Variants in DPP10 observed in about 807,000 individuals in gnomAD.
The protein encoded by DPP10 is dipeptidyl peptidase like 10.
DPP10 carries 33 observed loss-of-function variants against 120.9 expected under a neutral mutation model. That is an observed-to-expected ratio of 0.27 (90% CI 0.21 to 0.37). The LOEUF (loss-of-function observed/expected upper bound fraction) is 0.37. DPP10 is among the 10% of genes least tolerant of loss of function. DPP10 has a pLI of 1.00. For synonymous variants in DPP10, 337 were observed against 326.1 expected (o/e 1.03, Z -0.36); for missense variants, 816 against 942.8 (o/e 0.87, Z 1.76).
chr2:115,314,791 A>G (rs138216406), intron 2 of DPP10, among the ~76,000 whole-genome samples: 1 of 152,122 alleles, frequency 6.6e-6, no homozygotes, highest in Non-Finnish European at 1.5e-5. Flanking sequence ...CAATTAGTTC[A>G]TTTGAGTCAA....
rs531292733 is a variant in DPP10, at chr2:115,085,712, T to G, written c.61-223527T>G. Among the ~76,000 whole-genome samples, 5 of 152,316 alleles carry G rather than the reference T, an allele frequency of 3.3e-5. No individual in the cohort carries two copies. In the East Asian group the frequency reaches 5.8e-4, roughly 18 times the overall value. ...TATACATATCTCATTTAACTCAGCCTTTTTAGCCCAGTCCTATTATAGTGC... is the reference window on the plus strand; with the variant it reads ...TATACATATCTCATTTAACTCAGCCGTTTTAGCCCAGTCCTATTATAGTGC... On this transcript the variant is annotated intron_variant, in intron 1 of 25. Coordinates refer to ENST00000410059, the MANE Select transcript of DPP10 (RefSeq NM_020868.6).
At chr2:114,843,953 A>T (rs545199370) in intron 1 of DPP10, among the ~76,000 whole-genome samples, 1 of 152,272 alleles carries the variant, frequency 6.6e-6, no homozygotes, top group East Asian at 1.9e-4. Flanking sequence ...TTCATCAAAA[A>T]CCAGGGTAAA....
At chr2:115,481,999 AACTTT>A (rs1472441048) in intron 3 of DPP10, among the ~76,000 whole-genome samples, 2 of 152,054 alleles carry the variant, frequency 1.3e-5, no homozygotes, top group Non-Finnish European at 2.9e-5. Flanking sequence ...TAAAAAGTTA[AACTTT>A]ACTTGGAGTA....
At chr2:115,664,515 T>C (rs1397782594) in intron 5 of DPP10, among the ~76,000 whole-genome samples, 2 of 151,734 alleles carry the variant, frequency 1.3e-5, no homozygotes, top group Admixed American at 1.3e-4. Context: ...TTCCTAGTAC[T>C]ATATTGAGAA....
chr2:115,003,077 C>G (rs2105016109), intron 1 of DPP10, among the ~76,000 whole-genome samples: 1 of 150,944 alleles, frequency 6.6e-6, no homozygotes, highest in African/African-American at 2.4e-5. Context: ...TTCATTGCAG[C>G]ACTATTCACA....
chr2:115,151,947 CCTA>C (rs2051589466), intron 1 of DPP10, among the ~76,000 whole-genome samples: 2 of 151,652 alleles, frequency 1.3e-5, no homozygotes, highest in Admixed American at 6.6e-5. Context: ...TAGTCTTATT[CCTA>C]CTATGCTGTT....
chr2:114,516,364 A>G (rs1684594851), intron 1 of DPP10, among the ~76,000 whole-genome samples: 2 of 152,174 alleles, frequency 1.3e-5, no homozygotes, highest in African/African-American at 4.8e-5. Flanking sequence ...TCCCCCTGCA[A>G]AGTCCATTCT....
At chr2:114,557,480 A>G (rs1043717568) in intron 1 of DPP10, among the ~76,000 whole-genome samples, 1 of 152,232 alleles carries the variant, frequency 6.6e-6, no homozygotes, top group African/African-American at 2.4e-5. Flanking sequence ...ATGGCTTCAG[A>G]AAGCTGCAGA....
rs536874915 is a variant in DPP10, at chr2:114,887,967, G to A, written c.61-421272G>A. 1.6e-4 allele frequency among the ~76,000 whole-genome samples: 24 copies of A among 151,718 alleles called. No homozygotes were observed. In the East Asian group the frequency reaches 3.5e-3, roughly 22 times the overall value. On this transcript the variant is annotated intron_variant, in intron 1 of 25. Coordinates refer to ENST00000410059, the MANE Select transcript of DPP10 (RefSeq NM_020868.6). Reference sequence around the variant, plus strand: ...ATCCTGGCTAACACAGTGAAACCCCGACCGTCTCTACTAAAAATACAAAAA... The same window carrying A: ...ATCCTGGCTAACACAGTGAAACCCCAACCGTCTCTACTAAAAATACAAAAA...
chr2:115,209,490 T>C (rs564060840), intron 1 of DPP10, among the ~76,000 whole-genome samples: 1 of 152,336 alleles, frequency 6.6e-6, no homozygotes, highest in East Asian at 1.9e-4. Context: ...TCTCAGCATG[T>C]GAAACTGTAA....
intron 1 of DPP10, among the ~76,000 whole-genome samples, chr2:114,629,030 A>G (rs911699882): frequency 2.6e-5 from 4 of 152,208 alleles, no homozygotes; most frequent in Non-Finnish European, 5.9e-5. Flanking sequence ...ATCATGACAC[A>G]TGAGACAGCT....
At chr2:115,244,239 T>TATATATATATAGAG (rs1348001277) in intron 1 of DPP10, among the ~76,000 whole-genome samples, 1 of 93,474 alleles carries the variant, frequency 1.1e-5, no homozygotes, top group African/African-American at 3.8e-5. Flanking sequence ...TATATATATA[T>TATATATATATAGAG]AGAGAGAGAG....
intron 5 of DPP10, among the ~76,000 whole-genome samples, chr2:115,603,122 CTG>C (rs61161169): frequency 0.043 from 6,240 of 143,840 alleles, 176 homozygotes; most frequent in African/African-American, 0.095. Context: ...ATAAATAAAA[CTG>C]TGTGTGTGTG....
chr2:114,557,562 G>C (rs890425619), intron 1 of DPP10, among the ~76,000 whole-genome samples: 1 of 152,122 alleles, frequency 6.6e-6, no homozygotes, highest in Non-Finnish European at 1.5e-5. Context: ...AGCAGTGAGG[G>C]TTTGGTTTGT....
intron 13 of DPP10, among the ~76,000 whole-genome samples, chr2:115,773,775 C>T (rs1681755692): frequency 1.3e-5 from 2 of 152,168 alleles, no homozygotes; most frequent in East Asian, 1.9e-4. Flanking sequence ...TGCTCAAATA[C>T]TGTGATATTT....
At chr2:114,755,663 C>T (rs1679660333) in intron 1 of DPP10, among the ~76,000 whole-genome samples, 1 of 152,100 alleles carries the variant, frequency 6.6e-6, no homozygotes, top group Admixed American at 6.5e-5. Flanking sequence ...CCTATCCACT[C>T]TTCTGAACCA....
chr2:115,024,517 T>C (rs1412003786), intron 1 of DPP10, among the ~76,000 whole-genome samples: 1 of 151,662 alleles, frequency 6.6e-6, no homozygotes, highest in East Asian at 1.9e-4. Context: ...TTATTTTTAT[T>C]TATACATAAC....
intron 1 of DPP10, among the ~76,000 whole-genome samples, chr2:114,772,508 C>T (rs1022108936): frequency 3.0e-4 from 45 of 152,012 alleles, no homozygotes; most frequent in African/African-American, 1.1e-3. Flanking sequence ...TTGACTTAGG[C>T]CTTTATCAGA....
chr2:115,332,986 TTC>T (rs1269909522), intron 2 of DPP10, among the ~76,000 whole-genome samples: 2 of 152,164 alleles, frequency 1.3e-5, no homozygotes, highest in Admixed American at 1.3e-4. Flanking sequence ...CTTTTTAACT[TTC>T]TGTCTCGTTG....
Sources: gnomAD v4.1 joint callset for allele counts (sites outside exome capture counted in the v4.1 genomes callset) on GRCh38, gnomAD v4.1.1 for gene constraint, MANE v1.5 for transcripts, NCBI Gene and HGNC (gene_info 2026-07-23, HGNC 2026-07-21) for gene names.